Variants in OR56A3 observed in about 807,000 individuals in gnomAD.
The protein encoded by OR56A3 is olfactory receptor family 56 subfamily A member 3, also known as olfactory receptor 56A3.
OR56A3 carries 23 observed loss-of-function variants against 17.5 expected under a neutral mutation model. That is an observed-to-expected ratio of 1.32 (90% CI 0.95 to 1.87). The LOEUF (loss-of-function observed/expected upper bound fraction) is 1.87, where lower values mean the gene tolerates loss of function less well. OR56A3 is among the 40% of genes most tolerant of loss of function. The probability of loss-of-function intolerance (pLI) is 0.00; values close to 1 mark genes in which losing one functional copy is unlikely to be tolerated. For synonymous variants in OR56A3, 175 were observed against 150.6 expected, an observed-to-expected ratio of 1.16 and a Z score of -1.19; for missense variants, 366 against 380.1, an observed-to-expected ratio of 0.96 and a Z score of 0.31.
chr11:5,961,850 A>T, the OR56A3 span, among the ~76,000 whole-genome samples: 1 of 151,288 alleles, frequency 6.6e-6, no homozygotes, highest in African/African-American at 2.4e-5. Context: ...CCATATAGGG[A>T]CAATTTAACT....
At chr11:5,956,850 G>A in the OR56A3 span, among the ~76,000 whole-genome samples, 1 of 152,166 alleles carries the variant, frequency 6.6e-6, no homozygotes, top group African/African-American at 2.4e-5. Flanking sequence ...TGAAGGAGAT[G>A]TGTGTATATT....
chr11:5,963,827 C>CAA, the OR56A3 span, among the ~76,000 whole-genome samples: 2 of 152,254 alleles, frequency 1.3e-5, no homozygotes, highest in South Asian at 4.1e-4. Flanking sequence ...ATGCCAATAA[C>CAA]TTGTACATTG....
chr11:6,010,879 G>T, the OR56A3 span, among the ~76,000 whole-genome samples: 26 of 151,566 alleles, frequency 1.7e-4, no homozygotes, highest in African/African-American at 6.3e-4. Context: ...GGTTTCTTTT[G>T]TCTGCCCCTT....
chr11:6,019,958 C>T, the OR56A3 span: 1 of 152,098 alleles, frequency 6.6e-6, no homozygotes, highest in Non-Finnish European at 1.5e-5. Flanking sequence ...AGGAAAGTCT[C>T]TCAACCTCTT....
At chr11:5,994,996 T>A in the OR56A3 span, 1 of 673,352 alleles carries the variant, frequency 1.5e-6, no homozygotes. Context: ...CCAAGCCACC[T>A]GGAAGCTGGT....
At chr11:5,958,844 C>T in the OR56A3 span, among the ~76,000 whole-genome samples, 2 of 152,138 alleles carry the variant, frequency 1.3e-5, no homozygotes, top group Non-Finnish European at 2.9e-5. Context: ...ACAAGATCAG[C>T]TTTTTTAGAT....
chr11:6,015,182 A>G, the OR56A3 span, among the ~76,000 whole-genome samples: 1 of 152,114 alleles, frequency 6.6e-6, no homozygotes, highest in South Asian at 2.1e-4. Flanking sequence ...AATACCCAAG[A>G]CAATGGGGAA....
chr11:6,012,604 C>T, the OR56A3 span, among the ~76,000 whole-genome samples: 1 of 152,316 alleles, frequency 6.6e-6, no homozygotes, highest in Admixed American at 6.5e-5. Flanking sequence ...CTCTTCTCTG[C>T]TCTGGCTGAT....
chr11:6,000,191 T>C, the OR56A3 span: 1 of 152,154 alleles, frequency 6.6e-6, no homozygotes, highest in East Asian at 1.9e-4. Flanking sequence ...CCATTCACAA[T>C]AGCAAAGACT....
chr11:5,998,938 C>T, the OR56A3 span, among the ~76,000 whole-genome samples: 3 of 152,178 alleles, frequency 2.0e-5, no homozygotes, highest in African/African-American at 4.8e-5. Flanking sequence ...TTTGGAGGGG[C>T]AAGTGGCATT....
chr11:6,013,302 C>T, the OR56A3 span, among the ~76,000 whole-genome samples: 2 of 152,214 alleles, frequency 1.3e-5, no homozygotes, highest in South Asian at 2.1e-4. Flanking sequence ...GTGACATCTC[C>T]ACAAGCTCCC....
chr11:5,968,015 C>T, the OR56A3 span: 6 of 1,594,378 alleles, frequency 3.8e-6, no homozygotes, highest in Non-Finnish European at 5.1e-6. Flanking sequence ...TGGGGATAGG[C>T]ATAGTAAGAA....
the OR56A3 span, among the ~76,000 whole-genome samples, chr11:6,003,765 C>T: frequency 6.6e-6 from 1 of 152,110 alleles, no homozygotes; most frequent in Non-Finnish European, 1.5e-5. Context: ...ACATGAGGAC[C>T]TGCTGTAATC....
At chr11:6,018,385 A>G in the OR56A3 span, among the ~76,000 whole-genome samples, 3 of 152,172 alleles carry the variant, frequency 2.0e-5, no homozygotes, top group African/African-American at 7.2e-5. Context: ...TCACAGTAGA[A>G]TAAAACTAAA....
chr11:5,954,998 A>G (rs1427626397), downstream of OR56A3, among the ~76,000 whole-genome samples: 2 of 152,222 alleles, frequency 1.3e-5, no homozygotes, highest in Non-Finnish European at 2.9e-5. Flanking sequence ...ATGAATGATA[A>G]CATGCATCAT....
chr11:6,015,644 G>A, the OR56A3 span, among the ~76,000 whole-genome samples: 3 of 152,364 alleles, frequency 2.0e-5, no homozygotes, highest in South Asian at 6.2e-4. Flanking sequence ...GCATCAGTGT[G>A]CCCTGGATGT....
At chr11:6,009,796 T>C in the OR56A3 span, among the ~76,000 whole-genome samples, 1 of 152,216 alleles carries the variant, frequency 6.6e-6, no homozygotes, top group Admixed American at 6.5e-5. Flanking sequence ...AATTCAGCCA[T>C]TATCCCTTTG....
the OR56A3 span, chr11:5,986,405 G>A: frequency 3.1e-6 from 5 of 1,613,948 alleles, no homozygotes; most frequent in Non-Finnish European, 4.2e-6. Context: ...ATGGGGAAGG[G>A]GATAAGGAGT....
the OR56A3 span, among the ~76,000 whole-genome samples, chr11:5,976,207 G>C: frequency 5.9e-5 from 9 of 151,348 alleles, no homozygotes; most frequent in African/African-American, 1.9e-4. Flanking sequence ...AGAATAAAAA[G>C]AGGGAAGGAG....
Sources: gnomAD v4.1 joint callset for allele counts (sites outside exome capture counted in the v4.1 genomes callset) on GRCh38, gnomAD v4.1.1 for gene constraint, MANE v1.5 for transcripts, NCBI Gene and HGNC (gene_info 2026-07-23, HGNC 2026-07-21) for gene names.